The following PACSIN2 variants were observed in gnomAD, a reference collection of about 807,000 sequenced individuals.
PACSIN2 encodes protein kinase C and casein kinase substrate in neurons 2.
A neutral mutation model predicts 63.8 loss-of-function variants in PACSIN2; 25 were observed. The ratio of observed to expected loss-of-function variants is 0.39; its 90% CI spans 0.29 to 0.55. The LOEUF is 0.55. Ranked by LOEUF, PACSIN2 falls within the 20% of genes least tolerant of loss-of-function variation. The probability of loss-of-function intolerance (pLI) is 0.62; values close to 1 mark genes in which losing one functional copy is unlikely to be tolerated. For synonymous variants in PACSIN2, 255 were observed against 256.2 expected, an observed-to-expected ratio of 1.00 and a Z score of 0.05; for missense variants, 518 against 646.9, an observed-to-expected ratio of 0.80 and a Z score of 2.16.
chr22:42,987,189 G>A (rs928128289), intron 1 of PACSIN2, among the ~76,000 whole-genome samples: 20 of 152,054 alleles, frequency 1.3e-4, no homozygotes, highest in African/African-American at 4.3e-4. Context: ...TACCACCCAT[G>A]TGTCCCTGAA....
At chr22:42,872,826 G>C (rs564978797) in intron 10 of PACSIN2, among the ~76,000 whole-genome samples, 1 of 152,388 alleles carries the variant, frequency 6.6e-6, no homozygotes, top group South Asian at 2.1e-4. Context: ...TGCGCCTGCA[G>C]ATCTAACCCA....
chr22:42,966,385 T>C (rs1920956902), intron 1 of PACSIN2, among the ~76,000 whole-genome samples: 1 of 149,218 alleles, frequency 6.7e-6, no homozygotes, highest in Admixed American at 6.7e-5. Context: ...AAGCCACTTG[T>C]CTTTACTCAT....
chr22:42,968,478 A>G (rs1921009333), intron 1 of PACSIN2, among the ~76,000 whole-genome samples: 1 of 152,212 alleles, frequency 6.6e-6, no homozygotes, highest in African/African-American at 2.4e-5. Flanking sequence ...AATAGGTAGC[A>G]TTTGAACCCT....
intron 2 of PACSIN2, among the ~76,000 whole-genome samples, chr22:42,897,341 A>G (rs1046638320): frequency 1.3e-5 from 2 of 152,250 alleles, no homozygotes; most frequent in African/African-American, 4.8e-5. Flanking sequence ...TCGATCATAC[A>G]TTAAAATCAG....
intron 1 of PACSIN2, among the ~76,000 whole-genome samples, chr22:43,013,296 C>T (rs539719354): frequency 2.1e-4 from 32 of 152,326 alleles, no homozygotes; most frequent in African/African-American, 7.5e-4. Context: ...TAATAAATAT[C>T]ACCAGCCTAA....
intron 1 of PACSIN2, among the ~76,000 whole-genome samples, chr22:42,919,331 G>A (rs1932012989): frequency 1.3e-5 from 2 of 152,110 alleles, no homozygotes; most frequent in Admixed American, 6.5e-5. Flanking sequence ...GGCTCGGGGC[G>A]ACAGCTGTGA....
At chr22:42,965,723 G>A (rs770706895) in intron 1 of PACSIN2, among the ~76,000 whole-genome samples, 14 of 152,146 alleles carry the variant, frequency 9.2e-5, no homozygotes, top group Non-Finnish European at 1.8e-4. Flanking sequence ...GCTAGCTTGG[G>A]TTCTTCCCAC....
intron 1 of PACSIN2, among the ~76,000 whole-genome samples, chr22:43,011,883 G>A (rs1924509967): frequency 6.6e-6 from 1 of 152,070 alleles, no homozygotes; most frequent in Non-Finnish European, 1.5e-5. Context: ...AAGGTGGCAG[G>A]TGCCTGTAAT....
rs113167068 is a variant in PACSIN2, at chr22:43,009,058, G to A, written c.-78+5963C>T. Among the ~76,000 whole-genome samples the A allele has an allele frequency of 4.5e-3, 686 of 152,272 alleles. 3 individuals carry two copies. Among genetic ancestry groups the A allele is most frequent in the African/African-American group, 0.016 (656 of 41,536 alleles). Reference sequence around the variant, plus strand: ...TTCAGAGAGAAAAACAGTCCTTTCCGGCAGATGAACAAATAGTTTCCTCTA... The same window carrying A: ...TTCAGAGAGAAAAACAGTCCTTTCCAGCAGATGAACAAATAGTTTCCTCTA... On this transcript the variant is annotated intron_variant, in intron 1 of 10. Coordinates refer to ENST00000263246, the MANE Select transcript of PACSIN2 (RefSeq NM_001184970.3).
intron 1 of PACSIN2, among the ~76,000 whole-genome samples, chr22:42,970,109 G>A (rs951721418): frequency 6.6e-6 from 1 of 152,142 alleles, no homozygotes; most frequent in Admixed American, 6.6e-5. Flanking sequence ...CTCACGCTGG[G>A]AAGAGGCACA....
At chr22:43,001,854 C>T (rs1475287655) in intron 1 of PACSIN2, among the ~76,000 whole-genome samples, 1 of 152,138 alleles carries the variant, frequency 6.6e-6, no homozygotes, top group East Asian at 1.9e-4. Context: ...GCACTAAGGT[C>T]AGCTGGCCTG....
At chr22:42,900,704 G>A (rs1289350677) in intron 2 of PACSIN2, among the ~76,000 whole-genome samples, 1 of 152,096 alleles carries the variant, frequency 6.6e-6, no homozygotes, top group African/African-American at 2.4e-5. Context: ...AAACTCCTAG[G>A]CTCAAGCAAT....
chr22:42,984,630 T>A (rs1048759014), intron 1 of PACSIN2, among the ~76,000 whole-genome samples: 3 of 152,108 alleles, frequency 2.0e-5, no homozygotes, highest in Admixed American at 6.6e-5. Flanking sequence ...CTCCCTTTAA[T>A]CGGTGCTTCA....
At chr22:42,953,091 A>G (rs960085486) in intron 1 of PACSIN2, among the ~76,000 whole-genome samples, 3 of 152,246 alleles carry the variant, frequency 2.0e-5, no homozygotes, top group African/African-American at 7.2e-5. Flanking sequence ...TAGCTGTATA[A>G]AAGACAATGG....
chr22:42,988,011 C>T (rs2267486), intron 1 of PACSIN2, among the ~76,000 whole-genome samples: 87 of 151,782 alleles, frequency 5.7e-4, no homozygotes, highest in African/African-American at 1.9e-3. Flanking sequence ...TGTGATGGCA[C>T]ATCCCTGTAG....
rs1476227605 is a variant in PACSIN2, at chr22:42,891,322, A to T, written c.218-140T>A. 8.2e-6 allele frequency: 5 copies of T among 607,804 alleles called. No individual in the cohort carries two copies. In the African/African-American group the frequency reaches 9.3e-5, roughly 11 times the overall value. 37.7% of individuals were successfully genotyped at this position (607,804 alleles called of 1,614,324 possible). ...GGTTTCAGATATTTTTCTCTCAGGG[A>T]CTCTGTGCCTTTTTCAGTTCCCAAA... On this transcript the variant is annotated intron_variant, in intron 3 of 10. Transcript: ENST00000263246.
chr22:42,935,004 C>A (rs893084828), intron 1 of PACSIN2, among the ~76,000 whole-genome samples: 1 of 152,134 alleles, frequency 6.6e-6, no homozygotes, highest in African/African-American at 2.4e-5. Flanking sequence ...CAAGCTCCAC[C>A]TCCCAGGTTC....
chr22:42,977,561 C>G (rs1921789524), intron 1 of PACSIN2, among the ~76,000 whole-genome samples: 1 of 152,122 alleles, frequency 6.6e-6, no homozygotes, highest in African/African-American at 2.4e-5. Flanking sequence ...AAAAACAATA[C>G]AACATCTAGC....
At chr22:42,943,490 T>G (rs953971461) in intron 1 of PACSIN2, among the ~76,000 whole-genome samples, 1 of 152,190 alleles carries the variant, frequency 6.6e-6, no homozygotes, top group Non-Finnish European at 1.5e-5. Context: ...GAAGAAAGCT[T>G]TTAGTCTTTC....
Sources: allele counts gnomAD v4.1 joint callset (sites outside exome capture counted in the v4.1 genomes callset), GRCh38; gene constraint gnomAD v4.1.1; transcripts MANE v1.5; gene names NCBI Gene and HGNC (gene_info 2026-07-23, HGNC 2026-07-21).